Variants in EPHA8 observed in about 807,000 individuals in gnomAD.
EPHA8 encodes the protein EPH receptor A8.
A neutral mutation model predicts 103.6 loss-of-function variants in EPHA8; 58 were observed. The observed-to-expected ratio is 0.56, with a 90% confidence interval of 0.45 to 0.70. EPHA8 has a LOEUF of 0.70. EPHA8 is among the 30% of genes least tolerant of loss of function. The probability of loss-of-function intolerance (pLI) is 0.00; values close to 1 mark genes in which losing one functional copy is unlikely to be tolerated. For synonymous variants in EPHA8, 559 were observed against 572.5 expected (o/e 0.98, Z 0.34); for missense variants, 1,304 against 1,395.2 (o/e 0.93, Z 1.04).
intron 3 of EPHA8, among the ~76,000 whole-genome samples, chr1:22,578,779 G>T (rs1569978081): frequency 6.6e-6 from 1 of 151,704 alleles, no homozygotes. Flanking sequence ...ATGTGTACGT[G>T]TGGGCATATG....
Position 22,598,767 on chromosome 1 carries a change from G to A in EPHA8, c.2179-71G>A. ...TCAACTCGAGAGCATCCTACAGATG[G>A]GAGGTGTTCCTGTTCACGGACCAGG... On this transcript the variant is annotated intron_variant, in intron 12 of 16. Transcript: ENST00000166244. The surrounding 1 kb of genome is among the most constrained non-coding windows in gnomAD (Gnocchi z 5.1). The A allele has an allele frequency of 6.7e-7, 1 of 1,484,104 alleles. No individual in the cohort carries two copies. Among genetic ancestry groups the A allele is most frequent in the Non-Finnish European group, 9.3e-7 (1 of 1,080,058 alleles). The allele number at this position is 1,484,104 out of a possible 1,614,324, so 91.9% of individuals were successfully genotyped here. A position where few individuals can be genotyped will look rare whatever the true frequency, so the allele number is the denominator to read the frequency against.
chr1:22,600,578 G>T lies in EPHA8; in HGVS notation c.2389-83G>T. The stretch of plus-strand genomic sequence containing the variant: ...CTCTGGACTGGAAAACAGGACCCCA[G>T]TGTTTAGCTCTCTGACTCAGACGGC... On this transcript the variant is annotated intron_variant, in intron 13 of 16. Coordinates refer to ENST00000166244, the MANE Select transcript of EPHA8 (RefSeq NM_020526.5). 5 of 1,549,052 alleles carry T rather than the reference G, an allele frequency of 3.2e-6. No individual in the cohort carries two copies. In the South Asian group the frequency reaches 3.6e-5, roughly 11 times the overall value.
intron 3 of EPHA8, among the ~76,000 whole-genome samples, chr1:22,578,058 TG>T (rs1483325918): frequency 6.2e-5 from 2 of 32,420 alleles, no homozygotes; most frequent in African/African-American, 2.0e-4. Flanking sequence ...TGTGTGTGCA[TG>T]TGTGCATGAG....
chr1:22,593,295 T>C, intron 5 of EPHA8, 31 bp from the exon 6 acceptor site: 1 of 1,545,678 alleles, frequency 6.5e-7, no homozygotes, highest in Non-Finnish European at 8.8e-7. Flanking sequence ...TTGTCTCCCC[T>C]CCGCCCATCT....
At chr1:22,578,987 G>A (rs1224157549) in intron 3 of EPHA8, among the ~76,000 whole-genome samples, 1 of 145,860 alleles carries the variant, frequency 6.9e-6, no homozygotes, top group Admixed American at 7.2e-5. Context: ...GTGAGTGTAT[G>A]TGTGCATGTG....
At chr1:22,568,453 C>T (rs1217748605) in intron 1 of EPHA8, among the ~76,000 whole-genome samples, 3 of 152,244 alleles carry the variant, frequency 2.0e-5, no homozygotes, top group Non-Finnish European at 1.5e-5. Flanking sequence ...GCCGTTGCTA[C>T]AGCAAGTGCT....
chr1:22,598,142 C>A lies in EPHA8; in HGVS notation c.2117-9C>A. On this transcript the variant is annotated splice_polypyrimidine_tract_variant and intron_variant, in intron 11 of 16. Coordinates refer to ENST00000166244, the MANE Select transcript of EPHA8 (RefSeq NM_020526.5). The surrounding 1 kb of genome is among the most constrained non-coding windows in gnomAD (Gnocchi z 5.1). Reference sequence around the variant, plus strand: ...ACCAAGAGCCACCCTCTCCCTACTGCCCGCCCAGGCCGCCTGGCAATGATT... The same window carrying A: ...ACCAAGAGCCACCCTCTCCCTACTGACCGCCCAGGCCGCCTGGCAATGATT... 4 of 1,613,362 alleles carry A rather than the reference C, an allele frequency of 2.5e-6. No homozygotes were observed. Among genetic ancestry groups the A allele is most frequent in the Non-Finnish European group, 3.4e-6 (4 of 1,179,920 alleles).
intron 9 of EPHA8, among the ~76,000 whole-genome samples, chr1:22,596,995 G>A (rs1448811036): frequency 6.6e-6 from 1 of 152,028 alleles, no homozygotes; most frequent in Non-Finnish European, 1.5e-5. Context: ...GACCCTTGTG[G>A]CAAAAACTTA....
intron 4 of EPHA8, among the ~76,000 whole-genome samples, chr1:22,588,552 G>A (rs1018485284): frequency 9.3e-5 from 14 of 151,324 alleles, no homozygotes; most frequent in Admixed American, 6.6e-5. Flanking sequence ...GCACCCCCGG[G>A]ACTGTGCGGT....
chr1:22,565,572 G>A (rs1045248393), intron 1 of EPHA8, among the ~76,000 whole-genome samples: 2 of 152,288 alleles, frequency 1.3e-5, no homozygotes, highest in African/African-American at 4.8e-5. Context: ...GTCAGGTGGT[G>A]CACCCCCAAC....
At position 22,598,310 on chromosome 1, in the gene EPHA8, C is replaced by A; in HGVS notation, c.2178+98C>A. Reference sequence around the variant, plus strand: ...AAAGCCCTCTAAGCCCCCTCCCTGGCTTGGACACCACAGGCCGGGGGACAG... The same window carrying A: ...AAAGCCCTCTAAGCCCCCTCCCTGGATTGGACACCACAGGCCGGGGGACAG... On this transcript the variant is annotated intron_variant, in intron 12 of 16. Transcript: ENST00000166244. This position sits in a 1 kb window ranked among gnomAD's most constrained non-coding sequence, Gnocchi z 5.1. 1.6e-6 allele frequency: 2 copies of A among 1,243,362 alleles called. No individual in the cohort carries two copies. Among genetic ancestry groups the A allele is most frequent in the South Asian group, 1.3e-5 (1 of 75,940 alleles). The allele number at this position is 1,243,362 out of a possible 1,614,324, so 77.0% of individuals were successfully genotyped here.
Position 22,576,078 on chromosome 1 carries a change from C to T in EPHA8, c.160-139C>T, listed in dbSNP as rs1023667839. The T allele has an allele frequency of 6.5e-6, 6 of 927,468 alleles. No homozygotes were observed. Among genetic ancestry groups the T allele is most frequent in the African/African-American group, 1.7e-5 (1 of 60,260 alleles). 57.5% of individuals were successfully genotyped at this position (927,468 alleles called of 1,614,324 possible). A position where few individuals can be genotyped will look rare whatever the true frequency, so the allele number is the denominator to read the frequency against. On this transcript the variant is annotated intron_variant, in intron 2 of 16. Transcript: ENST00000166244. The surrounding 1 kb of genome is among the most constrained non-coding windows in gnomAD (Gnocchi z 4.8). ...CTTCGAGATCATGTCTGCAGGGGGC[C>T]TGGCATCTAGTAGCCACCAGGAGGC...
chr1:22,594,519 C>T (rs964363506), intron 7 of EPHA8, among the ~76,000 whole-genome samples: 2 of 152,232 alleles, frequency 1.3e-5, no homozygotes, highest in African/African-American at 4.8e-5. Context: ...TCGGTGATCC[C>T]CAGGCACTGT....
intron 1 of EPHA8, among the ~76,000 whole-genome samples, chr1:22,566,600 A>G (rs1297311553): frequency 6.6e-6 from 1 of 152,178 alleles, no homozygotes; most frequent in Non-Finnish European, 1.5e-5. Context: ...GAAGGGCCCT[A>G]GGAGACCATG....
At chr1:22,582,040 G>T (rs1299538625) in intron 3 of EPHA8, among the ~76,000 whole-genome samples, 1 of 152,144 alleles carries the variant, frequency 6.6e-6, no homozygotes, top group Non-Finnish European at 1.5e-5. Flanking sequence ...GGAGCTGCCC[G>T]GCTCCTTGGT....
At position 22,601,911 on chromosome 1, in the gene EPHA8, G is replaced by T. The variant is rs909913786; in HGVS notation, c.*170G>T. 1 of 713,440 alleles carries T rather than the reference G, an allele frequency of 1.4e-6. No homozygotes were observed. The highest frequency in any genetic ancestry group is 2.3e-6 in the Non-Finnish European group (1 of 436,922). 44.2% of individuals were successfully genotyped at this position (713,440 alleles called of 1,614,324 possible). A position where few individuals can be genotyped will look rare whatever the true frequency, so the allele number is the denominator to read the frequency against. ...AGGACCTGGAGTTATCAGGGGTCAG[G>T]CGCCTGGGAAGGGGCCTTTGGTGGC... On this transcript the variant is annotated 3_prime_UTR_variant, in exon 17 of 17. Transcript: ENST00000166244.
intron 2 of EPHA8, among the ~76,000 whole-genome samples, chr1:22,570,378 A>C (rs549151903): frequency 3.3e-5 from 3 of 90,324 alleles, no homozygotes; most frequent in Non-Finnish European, 6.2e-5. Flanking sequence ...GTGCGCGTAC[A>C]CACACGCGCG....
chr1:22,594,570 TCTC>T (rs1250210277), intron 7 of EPHA8, among the ~76,000 whole-genome samples: 1 of 152,202 alleles, frequency 6.6e-6, no homozygotes, highest in Non-Finnish European at 1.5e-5. Flanking sequence ...TCCCTTTCAC[TCTC>T]CTCCTGCCCC....
chr1:22,597,688 A>G lies in EPHA8; in HGVS notation c.1943A>G (p.Glu648Gly). Residue 648 changes from glutamate (E) to glycine (G), a missense_variant, in exon 11 of 17, where the codon GAA (glutamate) becomes GGA (glycine). Physicochemically the swap from Glu to Gly is moderately conservative, Grantham distance 98 (BLOSUM62 -2). Transcript: ENST00000166244. The surrounding 1 kb of genome is among the most constrained non-coding windows in gnomAD (Gnocchi z 4.6). Reference sequence around the variant, plus strand: ...TCGGGGCCTGCAGGAGACTCCGGGGAAGTCTGCTACGGGAGGCTGCGGGTG... The same window carrying G: ...TCGGGGCCTGCAGGAGACTCCGGGGGAGTCTGCTACGGGAGGCTGCGGGTG... ...EKIIGSGDSG[E>G]VCYGRLRVPG... 6.2e-7 allele frequency: 1 copy of G among 1,609,586 alleles called. No homozygotes were observed. Among genetic ancestry groups the G allele is most frequent in the South Asian group, 1.1e-5 (1 of 90,714 alleles).
Sources: gnomAD v4.1 joint callset for allele counts (sites outside exome capture counted in the v4.1 genomes callset) on GRCh38, gnomAD v4.1.1 for gene constraint, Gnocchi (gnomAD v3.1) non-coding constraint, MANE v1.5 for transcripts, NCBI Gene and HGNC (gene_info 2026-07-23, HGNC 2026-07-21) for gene names.